Variants in ESR2 observed in about 807,000 individuals in gnomAD.
The protein encoded by ESR2 is estrogen receptor 2.
ESR2 carries 36 observed loss-of-function variants against 49.6 expected under a neutral mutation model. The ratio of observed to expected loss-of-function variants is 0.73; its 90% CI spans 0.56 to 0.96. ESR2 has a LOEUF of 0.96. ESR2 is among the 40% of genes least tolerant of loss of function. The probability of loss-of-function intolerance (pLI) is 0.00; values close to 1 mark genes in which losing one functional copy is unlikely to be tolerated. For missense variants in ESR2, 714 were observed against 693.0 expected, an observed-to-expected ratio of 1.03 and a Z score of -0.34; for synonymous variants, 320 against 266.1, an observed-to-expected ratio of 1.20 and a Z score of -1.97.
At chr14:64,227,720 A>G (rs2098722863), downstream of ESR2, 4 of 1,579,624 alleles carry the variant, frequency 2.5e-6, no homozygotes, top group Non-Finnish European at 8.6e-7. Flanking sequence ...TCCTCAGGAT[A>G]AGGGCCTTTA....
At chr14:64,317,481 G>A (rs2077270356) in intron 1 of ESR2, among the ~76,000 whole-genome samples, 1 of 152,142 alleles carries the variant, frequency 6.6e-6, no homozygotes, top group African/African-American at 2.4e-5. Context: ...GCAAGATAGA[G>A]AGACAGGGAG....
At chr14:64,247,692 G>C (rs1308684571) in intron 7 of ESR2, among the ~76,000 whole-genome samples, 1 of 152,196 alleles carries the variant, frequency 6.6e-6, no homozygotes, top group African/African-American at 2.4e-5. Flanking sequence ...AGAGTAAATG[G>C]CTAAGCAAAG....
rs185639506 is a variant in ESR2 at position 64,277,400 on chromosome 14, C to T, written c.535+2581G>A. 2.7e-3 allele frequency among the ~76,000 whole-genome samples: 408 copies of T among 151,972 alleles called. 4 individuals carry two copies. Among genetic ancestry groups the T allele is most frequent in the African/African-American group, 9.2e-3 (380 of 41,460 alleles). On this transcript the variant is annotated intron_variant, in intron 3 of 8. Transcript: ENST00000341099. Reference sequence around the variant, plus strand: ...CAGCACTTTGGGAGGCCGAGGCGGGCGGATCACAAGGTCAGGAGATCGAGA... The same window carrying T: ...CAGCACTTTGGGAGGCCGAGGCGGGTGGATCACAAGGTCAGGAGATCGAGA...
At chr14:64,233,427 T>A in intron 8 of ESR2, 104 bp from the exon 9 acceptor site, 1 of 1,086,874 alleles carries the variant, frequency 9.2e-7, no homozygotes, top group Non-Finnish European at 1.3e-6. Context: ...ACCCCACCCC[T>A]AAACCCACTC....
At chr14:64,308,836 G>C (rs979492451) in intron 1 of ESR2, among the ~76,000 whole-genome samples, 1 of 152,002 alleles carries the variant, frequency 6.6e-6, no homozygotes, top group African/African-American at 2.4e-5. Context: ...GGAGTGCAGT[G>C]GTGCTAGCAT....
chr14:64,246,636 G>A lies in ESR2; in HGVS notation c.1225+2910C>T, dbSNP rs148233859. Among the ~76,000 whole-genome samples the A allele has an allele frequency of 6.9e-4, 101 of 147,346 alleles. 1 individual carries two copies. The highest frequency in any genetic ancestry group is 4.7e-3 in the South Asian group (22 of 4,632). On this transcript the variant is annotated intron_variant, in intron 7 of 8. Coordinates refer to ENST00000341099, the MANE Select transcript of ESR2 (RefSeq NM_001437.3). ...CAGCTACTTGGGATGCTGAGGCATC[G>A]CTTGAGAATCACTTGAACCTGGGAG... is the stretch of plus-strand genomic sequence containing the variant.
chr14:64,258,957 T>G (rs887253840), intron 5 of ESR2, among the ~76,000 whole-genome samples: 38 of 152,238 alleles, frequency 2.5e-4, no homozygotes, highest in African/African-American at 8.7e-4. Context: ...TGAAAACTTT[T>G]CAAAACACCA....
chr14:64,276,687 ATAAT>A (rs1450034007), intron 3 of ESR2, among the ~76,000 whole-genome samples: 1 of 152,234 alleles, frequency 6.6e-6, no homozygotes, highest in Non-Finnish European at 1.5e-5. Flanking sequence ...AACAATGAAA[ATAAT>A]TGATAGGGCC....
At chr14:64,254,558 C>T (rs1264717005) in intron 6 of ESR2, among the ~76,000 whole-genome samples, 1 of 149,218 alleles carries the variant, frequency 6.7e-6, no homozygotes, top group Non-Finnish European at 1.5e-5. Context: ...ACCAGCTTGG[C>T]CAACATGGTA....
intron 6 of ESR2, among the ~76,000 whole-genome samples, chr14:64,254,438 A>C (rs1029271257): frequency 1.2e-4 from 19 of 152,108 alleles, no homozygotes; most frequent in Non-Finnish European, 2.2e-4. Context: ...TCAGAAAGTT[A>C]ATGTGTTAAA....
intron 7 of ESR2, 139 bp from the exon 8 acceptor site, chr14:64,235,289 G>GC (rs1180846843): frequency 1.2e-5 from 10 of 815,542 alleles, no homozygotes; most frequent in Non-Finnish European, 1.9e-5. Flanking sequence ...TTATAAGCAT[G>GC]GTCTTACCTC....
At chr14:64,251,468 C>T (rs1221690202) in intron 6 of ESR2, among the ~76,000 whole-genome samples, 2 of 151,934 alleles carry the variant, frequency 1.3e-5, no homozygotes, top group Non-Finnish European at 1.5e-5. Flanking sequence ...GGTAAGGGAA[C>T]CCACCTGAAA....
intron 6 of ESR2, among the ~76,000 whole-genome samples, chr14:64,254,576 G>A (rs1483596168): frequency 2.2e-5 from 3 of 138,510 alleles, no homozygotes; most frequent in Non-Finnish European, 4.5e-5. Context: ...GTAAAACCCC[G>A]TCTCCACTAA....
At chr14:64,244,921 C>T (rs1250769269) in intron 7 of ESR2, among the ~76,000 whole-genome samples, 2 of 152,228 alleles carry the variant, frequency 1.3e-5, no homozygotes, top group Non-Finnish European at 2.9e-5. Context: ...ACTGGACAAT[C>T]AAAGGGCTCT....
chr14:64,276,309 A>G lies in ESR2; in HGVS notation c.535+3672T>C, dbSNP rs373747969. Among the ~76,000 whole-genome samples, 17 of 152,362 alleles carry G rather than the reference A, an allele frequency of 1.1e-4. 1 individual carries two copies. The South Asian group carries it at 3.3e-3, about 30-fold the overall frequency. On this transcript the variant is annotated intron_variant, in intron 3 of 8. Transcript: ENST00000341099. ...CAGAACCCAATATAAAAACGGGCAA[A>G]ATCTCTGAATAAAGAAGATAAAAGA...
chr14:64,261,469 G>C (rs952478435), intron 4 of ESR2, among the ~76,000 whole-genome samples: 8 of 152,124 alleles, frequency 5.3e-5, no homozygotes, highest in Admixed American at 4.6e-4. Flanking sequence ...CCAGGCTGCA[G>C]TTCAGTGGCA....
chr14:64,247,845 G>A (rs2075896661), intron 7 of ESR2, among the ~76,000 whole-genome samples: 1 of 152,158 alleles, frequency 6.6e-6, no homozygotes, highest in Admixed American at 6.5e-5. Flanking sequence ...TGGTTAAAAA[G>A]GAAGAGGAAC....
intron 7 of ESR2, 55 bp from the exon 8 acceptor site, chr14:64,235,205 G>C (rs768954462): frequency 5.7e-6 from 9 of 1,570,558 alleles, no homozygotes; most frequent in Non-Finnish European, 7.8e-6. Flanking sequence ...AGCAGAAGTC[G>C]TGTGCTCAGC....
chr14:64,327,332 A>T (rs543755357), intron 1 of ESR2, among the ~76,000 whole-genome samples: 7 of 151,948 alleles, frequency 4.6e-5, no homozygotes, highest in Admixed American at 4.6e-4. Context: ...AGGCTGAGGC[A>T]GGTGAATCAC....
Sources: gnomAD v4.1 joint callset for allele counts (sites outside exome capture counted in the v4.1 genomes callset) on GRCh38, gnomAD v4.1.1 for gene constraint, MANE v1.5 for transcripts, NCBI Gene and HGNC (gene_info 2026-07-23, HGNC 2026-07-21) for gene names.